SDK1: variants seen among roughly 807,000 people sequenced by gnomAD.
SDK1 encodes sidekick cell adhesion molecule 1.
A neutral mutation model predicts 245.5 loss-of-function variants in SDK1; 157 were observed. The observed-to-expected ratio is 0.64, with a 90% CI of 0.56 to 0.73. SDK1 has a LOEUF of 0.73. Ranked by LOEUF, SDK1 falls within the 30% of genes least tolerant of loss-of-function variation. The pLI is 0.00. For missense variants in SDK1, 3,583 were observed against 3,002.3 expected, an observed-to-expected ratio of 1.19 and a Z score of -4.52; for synonymous variants, 1,647 against 1,278.5, an observed-to-expected ratio of 1.29 and a Z score of -6.15.
chr7:3,653,600 G>A (rs1056040269), intron 4 of SDK1, among the ~76,000 whole-genome samples: 19 of 152,142 alleles, frequency 1.2e-4, no homozygotes, highest in Admixed American at 6.5e-5. Context: ...AATGGAGAGG[G>A]AAGGAGGAAT....
chr7:4,190,416 C>T (rs1262881005), intron 35 of SDK1, among the ~76,000 whole-genome samples: 2 of 152,202 alleles, frequency 1.3e-5, no homozygotes, highest in Middle Eastern at 3.2e-3. Flanking sequence ...GGGTGGGAAC[C>T]GTTGCTCCGT....
intron 5 of SDK1, among the ~76,000 whole-genome samples, chr7:3,903,317 G>A (rs1017705420): frequency 3.3e-5 from 5 of 151,878 alleles, no homozygotes; most frequent in African/African-American, 1.2e-4. Context: ...CTAATTTTTT[G>A]TGTTTTTAGT....
chr7:4,235,811 C>G (rs1363802850), intron 41 of SDK1, among the ~76,000 whole-genome samples: 1 of 152,230 alleles, frequency 6.6e-6, no homozygotes, highest in Admixed American at 6.5e-5. Context: ...TCAGGGAAGC[C>G]AGCAACCATC....
At chr7:3,606,498 C>G (rs1179606672) in intron 1 of SDK1, among the ~76,000 whole-genome samples, 1 of 152,158 alleles carries the variant, frequency 6.6e-6, no homozygotes, top group East Asian at 1.9e-4. Flanking sequence ...ACTTCTTCCT[C>G]TTACTTTTTA....
At chr7:3,637,482 C>G (rs574907044) in intron 2 of SDK1, among the ~76,000 whole-genome samples, 1 of 152,308 alleles carries the variant, frequency 6.6e-6, no homozygotes, top group Non-Finnish European at 1.5e-5. Context: ...GCTGAGAACT[C>G]AATTACTCTA....
intron 1 of SDK1, among the ~76,000 whole-genome samples, chr7:3,451,713 C>T (rs191861899): frequency 1.3e-5 from 2 of 152,318 alleles, no homozygotes; most frequent in East Asian, 1.9e-4. Flanking sequence ...TTAAACAGTA[C>T]TGTCGGCCAC....
chr7:3,377,272 C>A (rs1053082953), intron 1 of SDK1, among the ~76,000 whole-genome samples: 4 of 152,092 alleles, frequency 2.6e-5, no homozygotes, highest in Non-Finnish European at 5.9e-5. Context: ...GCTTTAAGAT[C>A]TTCAAGTCCT....
chr7:3,496,866 C>T lies in SDK1; in HGVS notation c.299-122214C>T, dbSNP rs1782042254. On this transcript the variant is annotated intron_variant, in intron 1 of 44. Transcript: ENST00000404826. ...AAGATAAAATCCTTTCCCCCCACCACAGTTAGGTTAGTAGTGCTTGACGTG... is the reference window on the plus strand; with the variant it reads ...AAGATAAAATCCTTTCCCCCCACCATAGTTAGGTTAGTAGTGCTTGACGTG... Among the ~76,000 whole-genome samples the T allele has an allele frequency of 2.0e-5, 3 of 152,310 alleles. No individual in the cohort carries two copies. The South Asian group carries it at 6.2e-4, about 32-fold the overall frequency.
chr7:3,902,516 T>G (rs923834627), intron 5 of SDK1, among the ~76,000 whole-genome samples: 1 of 152,250 alleles, frequency 6.6e-6, no homozygotes, highest in Non-Finnish European at 1.5e-5. Flanking sequence ...TATTGAGTTC[T>G]AAACTTTCTT....
At chr7:3,577,880 T>A (rs1414041594) in intron 1 of SDK1, among the ~76,000 whole-genome samples, 1 of 151,922 alleles carries the variant, frequency 6.6e-6, no homozygotes, top group Non-Finnish European at 1.5e-5. Flanking sequence ...TCCGTACGCC[T>A]TAGAGGTGTG....
chr7:3,746,881 C>T (rs1001895144), intron 4 of SDK1, among the ~76,000 whole-genome samples: 9 of 152,144 alleles, frequency 5.9e-5, no homozygotes, highest in African/African-American at 1.9e-4. Flanking sequence ...TCATGAATCC[C>T]GAATGTTCTT....
chr7:4,262,580 G>C (rs1174241088), intron 44 of SDK1, among the ~76,000 whole-genome samples: 1 of 151,572 alleles, frequency 6.6e-6, no homozygotes, highest in Non-Finnish European at 1.5e-5. Context: ...AGACATATTA[G>C]ACACCCTGGC....
chr7:3,696,584 G>GTT, intron 4 of SDK1, among the ~76,000 whole-genome samples: 1 of 151,736 alleles, frequency 6.6e-6, no homozygotes. Flanking sequence ...GTGTGTGTGT[G>GTT]TGTGTGTGTG....
intron 38 of SDK1, among the ~76,000 whole-genome samples, chr7:4,214,076 G>C (rs1428582506): frequency 6.6e-6 from 1 of 152,184 alleles, no homozygotes; most frequent in Non-Finnish European, 1.5e-5. Flanking sequence ...CGCAGACAGA[G>C]AGATTGGGCT....
intron 1 of SDK1, among the ~76,000 whole-genome samples, chr7:3,444,848 C>A (rs1780299445): frequency 6.6e-6 from 1 of 152,176 alleles, no homozygotes; most frequent in Non-Finnish European, 1.5e-5. Flanking sequence ...GCCCTACCTG[C>A]ATGGTTTGAA....
chr7:3,498,697 C>T (rs368861233), intron 1 of SDK1, among the ~76,000 whole-genome samples: 6 of 151,480 alleles, frequency 4.0e-5, no homozygotes, highest in East Asian at 1.9e-4. Flanking sequence ...TATTTGTTAC[C>T]GGAATGTCTC....
chr7:3,860,044 C>T (rs536631403), intron 5 of SDK1, among the ~76,000 whole-genome samples: 75 of 152,030 alleles, frequency 4.9e-4, no homozygotes, highest in African/African-American at 1.2e-3. Context: ...CTCAGCCTCC[C>T]GAGTAGCTGG....
intron 35 of SDK1, among the ~76,000 whole-genome samples, chr7:4,191,621 C>T (rs1242425479): frequency 2.0e-5 from 3 of 152,244 alleles, no homozygotes; most frequent in African/African-American, 7.2e-5. Flanking sequence ...AGCTGCTCCC[C>T]CGAAGCGTGA....
At chr7:3,828,332 A>C (rs1192844914) in intron 5 of SDK1, among the ~76,000 whole-genome samples, 1 of 152,012 alleles carries the variant, frequency 6.6e-6, no homozygotes, top group Non-Finnish European at 1.5e-5. Flanking sequence ...TTGGCATATA[A>C]CTTAGAAGGA....
Sources: allele counts gnomAD v4.1 joint callset (sites outside exome capture counted in the v4.1 genomes callset), GRCh38; gene constraint gnomAD v4.1.1; transcripts MANE v1.5; gene names NCBI Gene and HGNC (gene_info 2026-07-23, HGNC 2026-07-21).